Variants in RPGRIP1L observed in about 807,000 individuals in gnomAD.
RPGRIP1L encodes protein fantom.
In RPGRIP1L, 131 loss-of-function variants were observed where a neutral mutation model predicts 160.4. That is an observed-to-expected ratio of 0.82 (90% CI 0.71 to 0.94). The LOEUF (loss-of-function observed/expected upper bound fraction) is 0.94. RPGRIP1L is among the 40% of genes least tolerant of loss of function. RPGRIP1L has a pLI of 0.00. For synonymous variants in RPGRIP1L, 510 were observed against 515.8 expected (o/e 0.99, Z 0.15); for missense variants, 1,522 against 1,535.8 (o/e 0.99, Z 0.15).
chr16:53,619,988 C>T (rs929575834), intron 23 of RPGRIP1L, among the ~76,000 whole-genome samples: 11 of 152,106 alleles, frequency 7.2e-5, no homozygotes, highest in African/African-American at 2.2e-4. Flanking sequence ...AATTATATCA[C>T]ACCAAGGTAA....
At chr16:53,696,763 C>T (rs1439779071) in intron 2 of RPGRIP1L, among the ~76,000 whole-genome samples, 1 of 152,114 alleles carries the variant, frequency 6.6e-6, no homozygotes, top group Admixed American at 6.5e-5. Context: ...AAGACCAAAT[C>T]AAAAAACCCC....
intron 24 of RPGRIP1L, among the ~76,000 whole-genome samples, chr16:53,617,888 G>A (rs1280389396): frequency 2.0e-5 from 3 of 152,046 alleles, no homozygotes; most frequent in African/African-American, 4.8e-5. Flanking sequence ...AGATTAGTGA[G>A]GAAAAAAATA....
At position 53,652,895 on chromosome 16, in the gene RPGRIP1L, T is replaced by C. The variant is rs769164576; in HGVS notation, c.1792A>G (p.Ile598Val). 2.5e-6 allele frequency: 4 copies of C among 1,612,954 alleles called. No individual in the cohort carries two copies. The highest frequency in any genetic ancestry group is 2.2e-5 in the East Asian group (1 of 44,864). ...AGATTTTCGCCTCGTTCTAAGTGGA[T>C]GGTTTCATCAAATTCATCAACAGAG... Reference protein sequence around the residue: ...DDSVDEFDETIHLERGENLFE... With the variant: ...DDSVDEFDETVHLERGENLFE... The change falls in exon 15 of 27, where the codon ATC (isoleucine) becomes GTC (valine). Residue 598 changes from isoleucine (I) to valine (V), a missense_variant. Ile to Val is a conservative substitution (Grantham distance 29, BLOSUM62 3). Coordinates refer to ENST00000647211, the MANE Select transcript of RPGRIP1L (RefSeq NM_015272.5).
intron 2 of RPGRIP1L, 112 bp downstream of exon 2, chr16:53,700,527 G>T: frequency 1.2e-6 from 1 of 830,216 alleles, no homozygotes; most frequent in South Asian, 1.4e-5. Context: ...GTCCAATCAA[G>T]GACTATATAG....
intron 2 of RPGRIP1L, among the ~76,000 whole-genome samples, chr16:53,698,380 C>CG (rs1971030197): frequency 7.0e-6 from 1 of 143,506 alleles, no homozygotes; most frequent in African/African-American, 2.7e-5. Flanking sequence ...GGGTCAGCCC[C>CG]CCGCCCGGCC....
Position 53,663,020 on chromosome 16 carries a change from C to CA in RPGRIP1L, c.1243+1849dup, listed in dbSNP as rs1178607113. ...ATTAAGGAATGATTTTACAATATAG[C>CA]AAAAAAAGCACATTGTAAAACTACA... is the stretch of plus-strand genomic sequence containing the variant. On this transcript the variant is annotated intron_variant, in intron 10 of 26. Transcript: ENST00000647211. 2.6e-5 allele frequency among the ~76,000 whole-genome samples: 4 copies of CA among 151,570 alleles called. No individual in the cohort carries two copies. The South Asian group carries it at 6.2e-4, about 24-fold the overall frequency.
intron 18 of RPGRIP1L, 74 bp from the exon 19 acceptor site, chr16:53,641,190 T>C: frequency 1.3e-6 from 2 of 1,512,956 alleles, no homozygotes; most frequent in African/African-American, 1.4e-5. Flanking sequence ...TAGCTATTAT[T>C]ATTATTTTTT....
rs1469269651 is a variant in RPGRIP1L, at chr16:53,599,889, AAT to A, written c.*2185_*2186del. On this transcript the variant is annotated 3_prime_UTR_variant, in exon 27 of 27. Coordinates refer to ENST00000647211, the MANE Select transcript of RPGRIP1L (RefSeq NM_015272.5). The stretch of plus-strand genomic sequence containing the variant: ...GAAAATGAGTGTTGTGAAAATTCGC[AAT>A]AGTTTGAAACTGAATATTTTAAAAC... 3.3e-5 allele frequency: 5 copies of A among 152,238 alleles called. No homozygotes were observed. Among genetic ancestry groups the A allele is most frequent in the Non-Finnish European group, 5.9e-5 (4 of 68,046 alleles). 9.4% of individuals were successfully genotyped at this position (152,238 alleles called of 1,614,324 possible).
chr16:53,606,454 C>T (rs1477204326), intron 25 of RPGRIP1L, among the ~76,000 whole-genome samples: 3 of 152,206 alleles, frequency 2.0e-5, no homozygotes, highest in African/African-American at 7.2e-5. Flanking sequence ...TAAAAATCTA[C>T]ATCTCTGAGA....
intron 22 of RPGRIP1L, among the ~76,000 whole-genome samples, chr16:53,630,930 A>T (rs1189467490): frequency 6.6e-6 from 1 of 152,022 alleles, no homozygotes; most frequent in Non-Finnish European, 1.5e-5. Context: ...ACAGGGTTTC[A>T]CCATGTTGGT....
Position 53,601,988 on chromosome 16 carries a change from T to C in RPGRIP1L, c.*88A>G. Reference sequence around the variant, plus strand: ...AGCTTCCCATGAATTATAGATTATATACACCAGAGTAATTACAAAAATCTC... The same window carrying C: ...AGCTTCCCATGAATTATAGATTATACACACCAGAGTAATTACAAAAATCTC... On this transcript the variant is annotated 3_prime_UTR_variant, in exon 27 of 27. Transcript: ENST00000647211. 3.8e-6 allele frequency: 3 copies of C among 791,546 alleles called. No individual in the cohort carries two copies. Among genetic ancestry groups the C allele is most frequent in the Admixed American group, 2.0e-5 (1 of 50,742 alleles). The allele number at this position is 791,546 out of a possible 1,614,324, so 49.0% of individuals were successfully genotyped here.
intron 10 of RPGRIP1L, among the ~76,000 whole-genome samples, chr16:53,660,747 G>A (rs1326958310): frequency 2.0e-5 from 3 of 151,656 alleles, no homozygotes; most frequent in African/African-American, 7.3e-5. Flanking sequence ...ACAAAAATTA[G>A]CTGGGCATGG....
intron 8 of RPGRIP1L, among the ~76,000 whole-genome samples, chr16:53,672,032 C>T (rs990379349): frequency 6.6e-6 from 1 of 152,192 alleles, no homozygotes; most frequent in East Asian, 1.9e-4. Context: ...TCACAATTTA[C>T]TCTGAAGATA....
chr16:53,622,041 A>C (rs1269674025), intron 23 of RPGRIP1L, among the ~76,000 whole-genome samples, 178 bp downstream of exon 23: 1 of 146,188 alleles, frequency 6.8e-6, no homozygotes, highest in Non-Finnish European at 1.5e-5. Context: ...AAAAAAAAAA[A>C]AAAAAAAGTT....
chr16:53,698,379 C>A (rs1971029786), intron 2 of RPGRIP1L, among the ~76,000 whole-genome samples: 1 of 144,422 alleles, frequency 6.9e-6, no homozygotes, highest in African/African-American at 2.6e-5. Flanking sequence ...GGGGTCAGCC[C>A]CCCGCCCGGC....
At position 53,648,928 on chromosome 16, in the gene RPGRIP1L, A is replaced by G. The variant is rs201956639; in HGVS notation, c.2304+36T>C. On this transcript the variant is annotated intron_variant, in intron 16 of 26. Coordinates refer to ENST00000647211, the MANE Select transcript of RPGRIP1L (RefSeq NM_015272.5). ...CATAAATAAATATTATAAAATTTCT[A>G]TGTCATAAAAGGGTCTTAAAGCCAA... 7.0e-6 allele frequency: 11 copies of G among 1,573,178 alleles called. No individual in the cohort carries two copies. The East Asian group carries it at 2.5e-4, about 35-fold the overall frequency.
In RPGRIP1L at chr16:53,675,730, G is replaced by C. The variant is rs531247123; in HGVS notation, c.777-608C>G. ...GTTGCAGATGTGCCTTTAGCTGTAA[G>C]AGATCACTTGATGTCCACAGGGTAT... is the stretch of plus-strand genomic sequence containing the variant. On this transcript the variant is annotated intron_variant, in intron 6 of 26. Transcript: ENST00000647211. Among the ~76,000 whole-genome samples, 7 of 152,244 alleles carry C rather than the reference G, an allele frequency of 4.6e-5. No individual in the cohort carries two copies. The South Asian group carries it at 1.5e-3, about 32-fold the overall frequency.
At chr16:53,644,027 A>C (rs886097989) in intron 17 of RPGRIP1L, among the ~76,000 whole-genome samples, 2 of 152,324 alleles carry the variant, frequency 1.3e-5, no homozygotes, top group African/African-American at 2.4e-5. Context: ...CAAATAGGGA[A>C]TATAGTAAGA....
chr16:53,614,776 T>A (rs752237698), intron 24 of RPGRIP1L, among the ~76,000 whole-genome samples: 3 of 152,226 alleles, frequency 2.0e-5, no homozygotes, highest in Non-Finnish European at 4.4e-5. Context: ...TTACCTTTCA[T>A]TCTCCTCAGA....
Sources: allele counts gnomAD v4.1 joint callset (sites outside exome capture counted in the v4.1 genomes callset), GRCh38; gene constraint gnomAD v4.1.1; transcripts MANE v1.5; gene names NCBI Gene and HGNC (gene_info 2026-07-23, HGNC 2026-07-21).